SIX4: variants seen among roughly 807,000 people sequenced by gnomAD.
SIX4 encodes SIX homeobox 4, also known as homeobox protein SIX4.
Under a neutral mutation model 51.5 loss-of-function variants are expected in SIX4, and 23 were observed. The observed-to-expected ratio is 0.45, with a 90% CI of 0.32 to 0.63. The LOEUF is 0.63. Among genes scored for constraint, SIX4 ranks in the 30% least tolerant of loss-of-function variants. SIX4 has a pLI of 0.04. For missense variants in SIX4, 867 were observed against 984.0 expected, an observed-to-expected ratio of 0.88 and a Z score of 1.59; for synonymous variants, 413 against 417.3, an observed-to-expected ratio of 0.99 and a Z score of 0.13.
In SIX4 at chr14:60,723,727, C is replaced by A; in HGVS notation, c.348G>T (p.Val116=). Residue 116 remains valine, a synonymous_variant, in exon 1 of 3, where the codon GTG becomes GTT. Coordinates refer to ENST00000216513, the MANE Select transcript of SIX4 (RefSeq NM_017420.5). ...LAFSPDHVAC[V]CEALQQGGNL... is the part of the protein sequence containing the mutation. The stretch of plus-strand genomic sequence containing the variant: ...TGCCCCCCTGCTGCAGTGCCTCGCA[C>A]ACGCAGGCGACGTGGTCGGGCGAGA... 6.5e-7 allele frequency: 1 copy of A among 1,548,312 alleles called. No individual in the cohort carries two copies.
intron 2 of SIX4, 98 bp from the exon 3 acceptor site, chr14:60,714,301 A>C (rs1031681734): frequency 8.7e-6 from 9 of 1,038,690 alleles, no homozygotes; most frequent in African/African-American, 4.9e-5. Context: ...ATCTATAAAG[A>C]AGCAACACTT....
Position 60,710,085 on chromosome 14 carries a change from C to T in SIX4, c.*3322G>A, listed in dbSNP as rs1055355218. Reference sequence around the variant, plus strand: ...TTATTTTTATTATGAGATGATCTGTCAAAACATTTTAAAGAATGAAGAACT... The same window carrying T: ...TTATTTTTATTATGAGATGATCTGTTAAAACATTTTAAAGAATGAAGAACT... On this transcript the variant is annotated 3_prime_UTR_variant, in exon 3 of 3. Coordinates refer to ENST00000216513, the MANE Select transcript of SIX4 (RefSeq NM_017420.5). The T allele has an allele frequency of 6.6e-6, 1 of 152,530 alleles. No homozygotes were observed. The highest frequency in any genetic ancestry group is 2.4e-5 in the African/African-American group (1 of 41,426). The allele number at this position is 152,530 out of a possible 1,614,324, so 9.4% of individuals were successfully genotyped here. A position where few individuals can be genotyped will look rare whatever the true frequency, so the allele number is the denominator to read the frequency against.
At chr14:60,715,935 C>T (rs1039774698) in intron 2 of SIX4, among the ~76,000 whole-genome samples, 7 of 151,396 alleles carry the variant, frequency 4.6e-5, no homozygotes, top group East Asian at 1.9e-4. Context: ...TGCAGTGGCA[C>T]GATTTCTGCT....
Position 60,714,114 on chromosome 14 carries a change from A to G in SIX4, c.1639T>C (p.Ser547Pro), listed in dbSNP as rs1378177991. ...TVQQGKVFLS[S>P]LAPSAVVYTV... ...TATACCACTGCACTGGGAGCAAGAGAGCTCAAGAAAACCTTTCCTTGCTGG... is the reference window on the plus strand; with the variant it reads ...TATACCACTGCACTGGGAGCAAGAGGGCTCAAGAAAACCTTTCCTTGCTGG... The change falls in exon 3 of 3, where the codon TCT (serine) becomes CCT (proline). Residue 547 changes from serine to proline, a missense_variant. Transcript: ENST00000216513. The G allele has an allele frequency of 6.2e-7, 1 of 1,614,056 alleles. No individual in the cohort carries two copies. Among genetic ancestry groups the G allele is most frequent in the Non-Finnish European group, 8.5e-7 (1 of 1,180,034 alleles).
chr14:60,721,524 C>T (rs913290175), intron 1 of SIX4, among the ~76,000 whole-genome samples: 2 of 152,040 alleles, frequency 1.3e-5, no homozygotes, highest in African/African-American at 4.8e-5. Flanking sequence ...GCTGAGCCGC[C>T]GTCGCCGTCT....
chr14:60,723,075 G>C, intron 1 of SIX4, 137 bp downstream of exon 1: 1 of 1,414,352 alleles, frequency 7.1e-7, no homozygotes, highest in Non-Finnish European at 9.2e-7. Flanking sequence ...GAGCGAGGTA[G>C]GGGGCGGGGA....
chr14:60,722,786 G>A lies in SIX4; in HGVS notation c.863+426C>T, dbSNP rs2140272560. Reference sequence around the variant, plus strand: ...GTGACCTCGCGGAGGTGCAGACCCCGGCCGGCGCCGGCAGTCTCTGCGGGC... The same window carrying A: ...GTGACCTCGCGGAGGTGCAGACCCCAGCCGGCGCCGGCAGTCTCTGCGGGC... On this transcript the variant is annotated intron_variant, in intron 1 of 2. Transcript: ENST00000216513. The surrounding 1 kb of genome is among the most constrained non-coding windows in gnomAD (Gnocchi z 5.9). 6.6e-6 allele frequency among the ~76,000 whole-genome samples: 1 copy of A among 152,170 alleles called. No homozygotes were observed. The highest frequency in any genetic ancestry group is 2.0e-4 in the East Asian group (1 of 5,116).
chr14:60,716,399 C>T (rs893788934), intron 2 of SIX4, among the ~76,000 whole-genome samples: 9 of 151,660 alleles, frequency 5.9e-5, no homozygotes, highest in South Asian at 2.1e-4. Context: ...ATTACAGGCA[C>T]GCACCACCAT....
chr14:60,720,576 G>T lies in SIX4; in HGVS notation c.864-131C>A. 2 of 851,652 alleles carry T rather than the reference G, an allele frequency of 2.3e-6. No individual in the cohort carries two copies. Among genetic ancestry groups the T allele is most frequent in the Non-Finnish European group, 3.5e-6 (2 of 564,266 alleles). The allele number at this position is 851,652 out of a possible 1,614,324, so 52.8% of individuals were successfully genotyped here. A position where few individuals can be genotyped will look rare whatever the true frequency, so the allele number is the denominator to read the frequency against. ...TTAAGGAAAGCACAGCAGGATATCT[G>T]CTAGTCCTATTTAAACTAAGAGGCC... On this transcript the variant is annotated intron_variant, in intron 1 of 2. Transcript: ENST00000216513. The surrounding 1 kb of genome is among the most constrained non-coding windows in gnomAD (Gnocchi z 5.5).
At chr14:60,723,180 G>A in intron 1 of SIX4, 32 bp downstream of exon 1, 1 of 1,491,928 alleles carries the variant, frequency 6.7e-7, no homozygotes, top group African/African-American at 1.4e-5. Context: ...TGGGGGAGAG[G>A]AAGGGGGAGG....
intron 1 of SIX4, 112 bp downstream of exon 1, chr14:60,723,100 G>C: frequency 7.0e-7 from 1 of 1,426,654 alleles, no homozygotes. Flanking sequence ...TGGGCAGCCG[G>C]ACCAGGCTGG....
chr14:60,721,912 T>C (rs1197462392), intron 1 of SIX4, among the ~76,000 whole-genome samples: 2 of 152,192 alleles, frequency 1.3e-5, no homozygotes, highest in Non-Finnish European at 2.9e-5. Context: ...CCTTTTGTTT[T>C]GGTTACCGCG....
Position 60,720,552 on chromosome 14 carries a change from T to G in SIX4, c.864-107A>C. ...TTCTAAATCCATTAAAGGCAGTATT[T>G]AAGGAAAGCACAGCAGGATATCTGC... On this transcript the variant is annotated intron_variant, in intron 1 of 2. Transcript: ENST00000216513. This position sits in a 1 kb window ranked among gnomAD's most constrained non-coding sequence, Gnocchi z 5.5. The G allele has an allele frequency of 9.1e-7, 1 of 1,103,434 alleles. No homozygotes were observed. Among genetic ancestry groups the G allele is most frequent in the Non-Finnish European group, 1.3e-6 (1 of 773,702 alleles). 68.4% of individuals were successfully genotyped at this position (1,103,434 alleles called of 1,614,324 possible).
chr14:60,723,422 CG>C lies in SIX4; in HGVS notation c.652del (p.Arg218AlafsTer126). On this transcript the variant is annotated frameshift_variant, in exon 1 of 3. Transcript: ENST00000216513. LOFTEE classifies it high-confidence loss of function. ...YRLRRKFPLP[R>X]TIWDGEETVY... is the part of the protein sequence containing the mutation. ...CGTCTCCTCGCCGTCCCAGATGGTG[CG>C]GGGCAGGGGGAATTTCCTGCGCAGC... is the stretch of plus-strand genomic sequence containing the variant. The C allele has an allele frequency of 6.2e-7, 1 of 1,605,784 alleles. No homozygotes were observed. The highest frequency in any genetic ancestry group is 8.5e-7 in the Non-Finnish European group (1 of 1,177,160).
intron 1 of SIX4, among the ~76,000 whole-genome samples, chr14:60,721,970 C>G (rs1356488031): frequency 6.6e-6 from 1 of 152,214 alleles, no homozygotes; most frequent in East Asian, 1.9e-4. Flanking sequence ...GGGCGAGGAA[C>G]GCCGGAGCCC....
At chr14:60,723,020 T>A in intron 1 of SIX4, 192 bp downstream of exon 1, 1 of 1,314,246 alleles carries the variant, frequency 7.6e-7, no homozygotes, top group Non-Finnish European at 9.9e-7. Flanking sequence ...GGAGGGAGGT[T>A]CCCCCGCCCC....
At chr14:60,715,003 G>A (rs1313273273) in intron 2 of SIX4, among the ~76,000 whole-genome samples, 1 of 150,620 alleles carries the variant, frequency 6.6e-6, no homozygotes, top group East Asian at 1.9e-4. Flanking sequence ...ATTAGATTCA[G>A]GGGGCATGTG....
chr14:60,721,038 T>G lies in SIX4; in HGVS notation c.864-593A>C, dbSNP rs1050900596. The G allele has an allele frequency of 4.1e-6, 4 of 985,684 alleles. No individual in the cohort carries two copies. In the African/African-American group the frequency reaches 7.0e-5, roughly 17 times the overall value. 61.1% of individuals were successfully genotyped at this position (985,684 alleles called of 1,614,324 possible). A position where few individuals can be genotyped will look rare whatever the true frequency, so the allele number is the denominator to read the frequency against. The stretch of plus-strand genomic sequence containing the variant: ...ACTCTCTCATTCAACAAAGTGGCTG[T>G]CCTTGTTGTAGGAAAAGGCACTTTC... On this transcript the variant is annotated intron_variant, in intron 1 of 2. Coordinates refer to ENST00000216513, the MANE Select transcript of SIX4 (RefSeq NM_017420.5).
In SIX4 at chr14:60,723,751, G is replaced by T; in HGVS notation, c.324C>A (p.Phe108Leu). ...AAAAAQTPLAFSPDHVACVCE... is the reference protein window; with the variant it reads ...AAAAAQTPLALSPDHVACVCE... ...ACACGCAGGCGACGTGGTCGGGCGA[G>T]AAGGCCAGCGGGGTCTGCGCGGCGG... Residue 108 changes from phenylalanine (F) to leucine (L), a missense_variant, in exon 1 of 3, where the codon TTC becomes TTA. Transcript: ENST00000216513. The T allele has an allele frequency of 6.5e-7, 1 of 1,542,432 alleles. No homozygotes were observed. Among genetic ancestry groups the T allele is most frequent in the Non-Finnish European group, 8.7e-7 (1 of 1,147,400 alleles).
Sources: gnomAD v4.1 joint callset for allele counts (sites outside exome capture counted in the v4.1 genomes callset) on GRCh38, gnomAD v4.1.1 for gene constraint, Gnocchi (gnomAD v3.1) non-coding constraint, MANE v1.5 for transcripts, NCBI Gene and HGNC (gene_info 2026-07-23, HGNC 2026-07-21) for gene names.